The following PAOX variants were observed in gnomAD, a reference collection of about 807,000 sequenced individuals.
PAOX encodes polyamine oxidase.
A neutral mutation model predicts 39.0 loss-of-function variants in PAOX; 38 were observed. The ratio of observed to expected loss-of-function variants is 0.97; its 90% CI spans 0.75 to 1.28. The LOEUF (loss-of-function observed/expected upper bound fraction) is 1.28, where lower values mean the gene tolerates loss of function less well. Ranked by LOEUF, PAOX falls within the 50% of genes most tolerant of loss-of-function variation. The pLI is 0.00. For synonymous variants in PAOX, 311 were observed against 314.4 expected (o/e 0.99, Z 0.11); for missense variants, 667 against 685.7 (o/e 0.97, Z 0.30).
Position 133,391,682 on chromosome 10 carries a change from A to T in PAOX, c.*227A>T, listed in dbSNP as rs1351187329. 3 of 648,328 alleles carry T rather than the reference A, an allele frequency of 4.6e-6. No homozygotes were observed. Among genetic ancestry groups the T allele is most frequent in the Non-Finnish European group, 5.1e-6 (2 of 396,002 alleles). 40.2% of individuals were successfully genotyped at this position (648,328 alleles called of 1,614,324 possible). A position where few individuals can be genotyped will look rare whatever the true frequency, so the allele number is the denominator to read the frequency against. ...ACGGAGATGCTGGACACATAAAGCA[A>T]GTTACAGCCACAGCTCCCAGAGCCA... On this transcript the variant is annotated 3_prime_UTR_variant, in exon 7 of 7. Transcript: ENST00000278060.
In PAOX at chr10:133,391,183, C is replaced by T. The variant is rs370156661; in HGVS notation, c.1393-129C>T. 42 of 916,760 alleles carry T rather than the reference C, an allele frequency of 4.6e-5. 1 individual carries two copies. The East Asian group carries it at 7.2e-4, about 16-fold the overall frequency. 56.8% of individuals were successfully genotyped at this position (916,760 alleles called of 1,614,324 possible). On this transcript the variant is annotated intron_variant, in intron 6 of 6. Transcript: ENST00000278060. ...GGTACACGTGAGCCCTTTTCTCGTC[C>T]GTTGGTGGAGGTGTGTGAGCTGTTT... is the stretch of plus-strand genomic sequence containing the variant.
At position 133,391,637 on chromosome 10, in the gene PAOX, A is replaced by C. The variant is rs1245815263; in HGVS notation, c.*182A>C. ...TTGGAGTCTGGCCAGGGTTGACTTG[A>C]GCTGAGACACCAGATGCTCACGGAG... On this transcript the variant is annotated 3_prime_UTR_variant, in exon 7 of 7. Coordinates refer to ENST00000278060, the MANE Select transcript of PAOX (RefSeq NM_152911.4). The C allele has an allele frequency of 1.1e-6, 1 of 926,340 alleles. No homozygotes were observed. The highest frequency in any genetic ancestry group is 1.6e-6 in the Non-Finnish European group (1 of 635,632). 57.4% of individuals were successfully genotyped at this position (926,340 alleles called of 1,614,324 possible). A position where few individuals can be genotyped will look rare whatever the true frequency, so the allele number is the denominator to read the frequency against.
Position 133,389,681 on chromosome 10 carries a change from G to A in PAOX, c.1326G>A (p.Val442=). The A allele has an allele frequency of 1.2e-6, 2 of 1,610,880 alleles. No individual in the cohort carries two copies. Among genetic ancestry groups the A allele is most frequent in the Non-Finnish European group, 1.7e-6 (2 of 1,178,414 alleles). The change falls in exon 6 of 7, where the codon GTG becomes GTA. Residue 442 remains valine (V), a synonymous_variant. Coordinates refer to ENST00000278060, the MANE Select transcript of PAOX (RefSeq NM_152911.4). ...GGGGGTCCTACAGCTACGTGGCCGT[G>A]GGCAGTACTGGGGGCGACCTGGACC... ...YTRGSYSYVA[V]GSTGGDLDLL...
chr10:133,387,494 C>G (rs1195518439), intron 4 of PAOX, among the ~76,000 whole-genome samples: 1 of 152,126 alleles, frequency 6.6e-6, no homozygotes, highest in Non-Finnish European at 1.5e-5. Context: ...TCTATAAATA[C>G]TATTTGTTAG....
intron 2 of PAOX, among the ~76,000 whole-genome samples, chr10:133,380,991 A>AG (rs1311120414): frequency 1.3e-5 from 2 of 152,240 alleles, no homozygotes; most frequent in Non-Finnish European, 2.9e-5. Flanking sequence ...AGAGAAAAAA[A>AG]GAAGAAGAGT....
Position 133,380,445 on chromosome 10 carries a change from G to A in PAOX, c.628G>A (p.Glu210Lys). ...CCTGGTGGCCCTGGCACCCTTTGGG[G>A]AGTATACCGTGCTGCCGGGGCTGGA... ...MDLVALAPFG[E>K]YTVLPGLDCT... Residue 210 changes from glutamate (E) to lysine (K), a missense_variant, in exon 2 of 7, where the codon GAG (glutamate) becomes AAG (lysine). By Grantham distance (56) the Glu-to-Lys change is moderately conservative. Transcript: ENST00000278060. 1 of 1,611,894 alleles carries A rather than the reference G, an allele frequency of 6.2e-7. No individual in the cohort carries two copies. Among genetic ancestry groups the A allele is most frequent in the Non-Finnish European group, 8.5e-7 (1 of 1,179,996 alleles).
chr10:133,388,316 A>G (rs899828962), intron 4 of PAOX, among the ~76,000 whole-genome samples: 2 of 152,074 alleles, frequency 1.3e-5, no homozygotes, highest in African/African-American at 2.4e-5. Flanking sequence ...CCACTCTCCC[A>G]TAGGCCCCAG....
chr10:133,389,738 C>T lies in PAOX; in HGVS notation c.1383C>T (p.Ala461=), dbSNP rs150394178. Residue 461 remains alanine (A), a synonymous_variant, in exon 6 of 7, where the codon GCC becomes GCT. Transcript: ENST00000278060. ...LLAQPLPADG[A]GAQLQILFAG... ...CTCAGCCCCTCCCTGCAGACGGCGC[C>T]GGCGCCCAGGTATGTGGCGTGCCCC... 7.5e-5 allele frequency: 116 copies of T among 1,542,276 alleles called. No homozygotes were observed. The East Asian group carries it at 1.2e-3, about 16-fold the overall frequency.
At chr10:133,389,105 C>A (rs749155928) in intron 5 of PAOX, 37 bp downstream of exon 5, 2 of 1,476,534 alleles carry the variant, frequency 1.4e-6, no homozygotes, top group Non-Finnish European at 1.9e-6. Context: ...CCTGCCTCTG[C>A]TCGTTACTGG....
chr10:133,385,478 C>T (rs375250785), intron 4 of PAOX, among the ~76,000 whole-genome samples: 12 of 152,042 alleles, frequency 7.9e-5, no homozygotes, highest in East Asian at 5.8e-4. Context: ...GTCTGTGGCA[C>T]GGGGTGGTAG....
chr10:133,379,511 C>T lies in PAOX; in HGVS notation c.181+14C>T. 2 of 1,225,648 alleles carry T rather than the reference C, an allele frequency of 1.6e-6. No homozygotes were observed. Among genetic ancestry groups the T allele is most frequent in the Non-Finnish European group, 2.0e-6 (2 of 984,150 alleles). The allele number at this position is 1,225,648 out of a possible 1,614,324, so 75.9% of individuals were successfully genotyped here. ...AGCGCTGCTTCGGTAACCGCCCCTC[C>T]CGGAGCCCCTCCCGGAACCCAACCG... On this transcript the variant is annotated intron_variant, in intron 1 of 6. Coordinates refer to ENST00000278060, the MANE Select transcript of PAOX (RefSeq NM_152911.4).
At chr10:133,387,461 T>C (rs1249213207) in intron 4 of PAOX, among the ~76,000 whole-genome samples, 2 of 152,228 alleles carry the variant, frequency 1.3e-5, no homozygotes, top group Admixed American at 6.5e-5. Flanking sequence ...AGTTTTTGCT[T>C]GAGAGCTTAA....
Position 133,388,957 on chromosome 10 carries a change from T to G in PAOX, c.1123T>G (p.Ser375Ala). ...CCAGGGCTCTCTTTCTCCATGCAGG[T>G]CTGTCCACGTTCTCTGTGGGTTCAT... Reference protein sequence around the residue: ...IGFVVLPAFASVHVLCGFIAG... With the variant: ...IGFVVLPAFAAVHVLCGFIAG... The change falls in exon 5 of 7, where the codon TCT (serine) becomes GCT (alanine). Residue 375 changes from serine to alanine, a missense_variant and splice_region_variant. Coordinates refer to ENST00000278060, the MANE Select transcript of PAOX (RefSeq NM_152911.4). 1 of 1,611,832 alleles carries G rather than the reference T, an allele frequency of 6.2e-7. No homozygotes were observed. Among genetic ancestry groups the G allele is most frequent in the Non-Finnish European group, 8.5e-7 (1 of 1,178,064 alleles).
At chr10:133,382,422 G>A (rs1849412123) in intron 3 of PAOX, among the ~76,000 whole-genome samples, 1 of 152,176 alleles carries the variant, frequency 6.6e-6, no homozygotes, top group Non-Finnish European at 1.5e-5. Flanking sequence ...TGCCCTCCCC[G>A]GGGCAGGGAT....
At chr10:133,387,916 A>G (rs558223620) in intron 4 of PAOX, among the ~76,000 whole-genome samples, 136 of 152,114 alleles carry the variant, frequency 8.9e-4, no homozygotes, top group African/African-American at 3.0e-3. Flanking sequence ...ACAGGGCTTT[A>G]CCATATTGAC....
rs1166826137 is a variant in PAOX, at chr10:133,391,472, C to G, written c.*17C>G. 6.3e-7 allele frequency: 1 copy of G among 1,598,572 alleles called. No individual in the cohort carries two copies. The stretch of plus-strand genomic sequence containing the variant: ...AGGCTCTAGCTGGGCCCAGCCTACT[C>G]TGTTCCACCCGTGTCGGGGGTAGGC... On this transcript the variant is annotated 3_prime_UTR_variant, in exon 7 of 7. Transcript: ENST00000278060.
At chr10:133,383,918 G>C (rs2133465432) in intron 3 of PAOX, 42 bp from the exon 4 acceptor site, 2 of 1,582,946 alleles carry the variant, frequency 1.3e-6, no homozygotes, top group Admixed American at 1.7e-5. Flanking sequence ...CTTCCGTGGA[G>C]GGCTTTATGT....
intron 1 of PAOX, chr10:133,379,708 C>T (rs1849298108): frequency 7.4e-6 from 4 of 537,034 alleles, no homozygotes; most frequent in South Asian, 7.6e-5. Flanking sequence ...AGGCGACCTA[C>T]GGCTCCACAA....
chr10:133,391,155 G>T, intron 6 of PAOX, 157 bp from the exon 7 acceptor site: 1 of 746,108 alleles, frequency 1.3e-6, no homozygotes, highest in East Asian at 2.6e-5. Flanking sequence ...CTGGCTATTG[G>T]TGGGTACACG....
Sources: gnomAD v4.1 joint callset for allele counts (sites outside exome capture counted in the v4.1 genomes callset) on GRCh38, gnomAD v4.1.1 for gene constraint, MANE v1.5 for transcripts, NCBI Gene and HGNC (gene_info 2026-07-23, HGNC 2026-07-21) for gene names.